The following MAPK12 variants were observed in gnomAD, a reference collection of about 807,000 sequenced individuals.
MAPK12 encodes mitogen-activated protein kinase 12.
MAPK12 carries 49 observed loss-of-function variants against 49.1 expected under a neutral mutation model. The ratio of observed to expected loss-of-function variants is 1.00; its 90% confidence interval spans 0.79 to 1.27. The LOEUF (loss-of-function observed/expected upper bound fraction) is 1.27. Among genes scored for constraint, MAPK12 ranks in the 50% most tolerant of loss-of-function variants. The probability of loss-of-function intolerance (pLI) is 0.00; values close to 1 mark genes in which losing one functional copy is unlikely to be tolerated. For synonymous variants in MAPK12, 251 were observed against 209.7 expected (o/e 1.20, Z -1.70); for missense variants, 554 against 502.4 (o/e 1.10, Z -0.98).
At position 50,255,025 on chromosome 22, in the gene MAPK12, G is replaced by A. The variant is rs903469126; in HGVS notation, c.1024+172C>T. 2.7e-6 allele frequency: 4 copies of A among 1,486,884 alleles called. No individual in the cohort carries two copies. The Admixed American group carries it at 6.4e-5, about 24-fold the overall frequency. The allele number at this position is 1,486,884 out of a possible 1,614,324, so 92.1% of individuals were successfully genotyped here. A position where few individuals can be genotyped will look rare whatever the true frequency, so the allele number is the denominator to read the frequency against. ...CAGGGATGGGGATCTAGGACTCTGA[G>A]CCTGGCCACCTGCACAGGGCCCACA... On this transcript the variant is annotated intron_variant, in intron 11 of 11. Coordinates refer to ENST00000215659, the MANE Select transcript of MAPK12 (RefSeq NM_002969.6).
intron 3 of MAPK12, 169 bp downstream of exon 3, chr22:50,258,074 T>C: frequency 1.4e-6 from 1 of 722,518 alleles, no homozygotes; most frequent in Non-Finnish European, 2.5e-6. Flanking sequence ...CCCAGGACCA[T>C]GTGGGGGAGG....
chr22:50,257,976 C>T (rs779529384), intron 3 of MAPK12: 3 of 759,734 alleles, frequency 3.9e-6, no homozygotes, highest in South Asian at 1.4e-5. Flanking sequence ...CCAAGGTTCA[C>T]ACCTCCGGTG....
At chr22:50,256,369 C>T (rs1376679415) in intron 6 of MAPK12, among the ~76,000 whole-genome samples, 170 bp from the exon 7 acceptor site, 2 of 152,236 alleles carry the variant, frequency 1.3e-5, no homozygotes, top group Non-Finnish European at 2.9e-5. Flanking sequence ...GCCCCGAGCT[C>T]CTCCCTCTGG....
In MAPK12 at chr22:50,261,303, G is replaced by A. The variant is rs755087119; in HGVS notation, c.126-7C>T. On this transcript the variant is annotated splice_region_variant and splice_polypyrimidine_tract_variant and intron_variant, in intron 1 of 11. Coordinates refer to ENST00000215659, the MANE Select transcript of MAPK12 (RefSeq NM_002969.6). ...GCGGCCGTCCACGGCCGAGCTGCGG[G>A]GCGGACCGCTTAGCGGGAAGGCCGG... 1 of 1,432,364 alleles carries A rather than the reference G, an allele frequency of 7.0e-7. No homozygotes were observed. Among genetic ancestry groups the A allele is most frequent in the Non-Finnish European group, 9.2e-7 (1 of 1,081,810 alleles). The allele number at this position is 1,432,364 out of a possible 1,614,324, so 88.7% of individuals were successfully genotyped here.
chr22:50,261,116 G>A (rs1287822741), intron 2 of MAPK12, 51 bp downstream of exon 2: 10 of 1,505,814 alleles, frequency 6.6e-6, no homozygotes, highest in Non-Finnish European at 8.0e-6. Flanking sequence ...CAGCCCAGCT[G>A]AACCAAGCCG....
intron 3 of MAPK12, chr22:50,257,560 G>A (rs2065163246): frequency 1.9e-6 from 1 of 534,974 alleles, no homozygotes; most frequent in Non-Finnish European, 3.4e-6. Flanking sequence ...AGGCAGGGGA[G>A]GGAGGCAGTC....
Position 50,253,053 on chromosome 22 carries a change from C to T in MAPK12, c.*348G>A, listed in dbSNP as rs767293245. ...TGCCCTGCGCCCACCCTCTGTCCTT[C>T]CTCTGCATGGCCCAGAGCAGGCAGG... On this transcript the variant is annotated 3_prime_UTR_variant, in exon 12 of 12. Transcript: ENST00000215659. The T allele has an allele frequency of 1.1e-5, 4 of 374,338 alleles. No individual in the cohort carries two copies. Among genetic ancestry groups the T allele is most frequent in the Admixed American group, 4.0e-5 (1 of 24,898 alleles). The allele number at this position is 374,338 out of a possible 1,614,324, so 23.2% of individuals were successfully genotyped here. A position where few individuals can be genotyped will look rare whatever the true frequency, so the allele number is the denominator to read the frequency against.
At chr22:50,255,578 G>GCGCC in intron 9 of MAPK12, 37 bp downstream of exon 9, 1 of 1,582,020 alleles carries the variant, frequency 6.3e-7, no homozygotes, top group Non-Finnish European at 8.7e-7. Flanking sequence ...GCCCAGGTCC[G>GCGCC]CCCCCACCCC....
chr22:50,260,064 G>T (rs1003466997), intron 2 of MAPK12, among the ~76,000 whole-genome samples: 6 of 150,986 alleles, frequency 4.0e-5, no homozygotes, highest in African/African-American at 9.8e-5. Context: ...GGCAGGGCTG[G>T]GTGTGACGGG....
intron 11 of MAPK12, 22 bp from the exon 12 acceptor site, chr22:50,253,502 G>GGCCCCCCCC: frequency 5.8e-6 from 1 of 171,672 alleles, no homozygotes; most frequent in East Asian, 1.5e-4. Flanking sequence ...GGGGGGGCGG[G>GGCCCCCCCC]CACAACAGAG....
chr22:50,256,557 G>C (rs750399960), intron 6 of MAPK12, 42 bp downstream of exon 6: 1 of 1,596,736 alleles, frequency 6.3e-7, no homozygotes, highest in African/African-American at 1.3e-5. Context: ...TCCAGAGGGG[G>C]CCCCTGCCCC....
chr22:50,256,294 G>C, intron 6 of MAPK12, 95 bp from the exon 7 acceptor site: 1 of 948,922 alleles, frequency 1.1e-6, no homozygotes, highest in Non-Finnish European at 1.6e-6. Context: ...TGGACTTGAA[G>C]CTCCCAAGCT....
At chr22:50,261,127 A>G (rs2065208141) in intron 2 of MAPK12, 40 bp downstream of exon 2, 1 of 1,536,978 alleles carries the variant, frequency 6.5e-7, no homozygotes, top group Non-Finnish European at 8.8e-7. Context: ...AACCAAGCCG[A>G]GGCCGCGGCG....
chr22:50,256,750 C>T, intron 5 of MAPK12, 104 bp from the exon 6 acceptor site: 3 of 1,526,874 alleles, frequency 2.0e-6, no homozygotes, highest in Non-Finnish European at 2.6e-6. Context: ...ACCTGGCCCC[C>T]TTGCTCTCTG....
At chr22:50,253,534 C>CAAG in intron 11 of MAPK12, 54 bp from the exon 12 acceptor site, 1 of 901,788 alleles carries the variant, frequency 1.1e-6, no homozygotes, top group Admixed American at 2.0e-5. Flanking sequence ...CCTTTGCCTT[C>CAAG]CATCCTGGGA....
chr22:50,257,186 C>T lies in MAPK12; in HGVS notation c.322G>A (p.Val108Met). 1.2e-6 allele frequency: 2 copies of T among 1,612,072 alleles called. No individual in the cohort carries two copies. The highest frequency in any genetic ancestry group is 8.5e-7 in the Non-Finnish European group (1 of 1,179,478). ...AGGTCGGTGCCCATGAACGGCATCACCAGGTAACTGTGGGAGGGGCCGGAG... is the reference window on the plus strand; with the variant it reads ...AGGTCGGTGCCCATGAACGGCATCATCAGGTAACTGTGGGAGGGGCCGGAG... Reference protein sequence around the residue: ...TLDDFTDFYLVMPFMGTDLGK... With the variant: ...TLDDFTDFYLMMPFMGTDLGK... Residue 108 changes from valine to methionine, a missense_variant, in exon 4 of 12, where the codon GTG (valine) becomes ATG (methionine). Physicochemically the swap from Val to Met is conservative, Grantham distance 21. Coordinates refer to ENST00000215659, the MANE Select transcript of MAPK12 (RefSeq NM_002969.6).
rs577478508 is a variant in MAPK12, at chr22:50,259,754, C to T, written c.255+1413G>A. On this transcript the variant is annotated intron_variant, in intron 2 of 11. Coordinates refer to ENST00000215659, the MANE Select transcript of MAPK12 (RefSeq NM_002969.6). ...AAAAAATTAGCCAGGCGTGGTGGCG[C>T]GCGCCTGTAATCCCAGCTACTGAGG... Among the ~76,000 whole-genome samples the T allele has an allele frequency of 1.3e-4, 19 of 151,982 alleles. No homozygotes were observed. In the South Asian group the frequency reaches 3.5e-3, roughly 28 times the overall value.
Position 50,253,500 on chromosome 22 carries a change from G to GGGGGA in MAPK12, c.1025-21_1025-20insTCCCC. ...TAACACCTGGCGGGGGTGGGGGGGC[G>GGGGGA]GGCACAACAGAGAGGGGGGTCAGCC... On this transcript the variant is annotated intron_variant, in intron 11 of 11. Transcript: ENST00000215659. The GGGGGA allele has an allele frequency of 2.3e-6, 1 of 432,220 alleles. No homozygotes were observed. The highest frequency in any genetic ancestry group is 4.6e-6 in the Non-Finnish European group (1 of 215,862). The allele number at this position is 432,220 out of a possible 1,614,324, so 26.8% of individuals were successfully genotyped here. A position where few individuals can be genotyped will look rare whatever the true frequency, so the allele number is the denominator to read the frequency against.
chr22:50,261,527 C>T lies in MAPK12; in HGVS notation c.-18G>A, dbSNP rs758204500. ...GAGCTCATGGCAGGCCCGGGAGCTG[C>T]CCACCCCGCAGAGCCTGCGGGCGGT... On this transcript the variant is annotated 5_prime_UTR_variant, in exon 1 of 12. Coordinates refer to ENST00000215659, the MANE Select transcript of MAPK12 (RefSeq NM_002969.6). The T allele has an allele frequency of 1.8e-6, 2 of 1,130,978 alleles. No homozygotes were observed. The highest frequency in any genetic ancestry group is 2.5e-5 in the South Asian group (1 of 39,392). 70.1% of individuals were successfully genotyped at this position (1,130,978 alleles called of 1,614,324 possible).
Sources: allele counts gnomAD v4.1 joint callset (sites outside exome capture counted in the v4.1 genomes callset), GRCh38; gene constraint gnomAD v4.1.1; transcripts MANE v1.5; gene names NCBI Gene and HGNC (gene_info 2026-07-23, HGNC 2026-07-21).